The following ULK4 variants were observed in gnomAD, a reference collection of about 807,000 sequenced individuals.
The protein encoded by ULK4 is inactive serine/threonine-protein kinase ULK4.
A neutral mutation model predicts 160.6 loss-of-function variants in ULK4; 133 were observed. That is an observed-to-expected ratio of 0.83 (90% CI 0.72 to 0.96). The LOEUF (loss-of-function observed/expected upper bound fraction) is 0.96, where lower values mean the gene tolerates loss of function less well. Ranked by LOEUF, ULK4 falls within the 40% of genes least tolerant of loss-of-function variation. The pLI, the probability that ULK4 is intolerant of heterozygous loss-of-function variation, is 0.00. For missense variants in ULK4, 1,580 were observed against 1,499.5 expected (o/e 1.05, Z -0.89); for synonymous variants, 534 against 539.8 (o/e 0.99, Z 0.15).
intron 32 of ULK4, among the ~76,000 whole-genome samples, chr3:41,477,726 TG>T (rs1244371023): frequency 6.6e-6 from 1 of 152,190 alleles, no homozygotes; most frequent in African/African-American, 2.4e-5. Context: ...AGGTTATAAA[TG>T]TAAGTATCTG....
At chr3:41,490,936 G>A (rs573309778) in intron 32 of ULK4, among the ~76,000 whole-genome samples, 112 of 152,194 alleles carry the variant, frequency 7.4e-4, no homozygotes, top group African/African-American at 2.4e-3. Flanking sequence ...AAGGAAAACA[G>A]ACAAAGATGG....
chr3:41,459,176 C>T (rs1048112618), intron 33 of ULK4, among the ~76,000 whole-genome samples: 5 of 152,072 alleles, frequency 3.3e-5, no homozygotes, highest in South Asian at 2.1e-4. Flanking sequence ...TTCAGCCTCC[C>T]GAGTAGCTAG....
At chr3:41,829,673 T>C (rs576576914) in intron 18 of ULK4, among the ~76,000 whole-genome samples, 168 of 152,110 alleles carry the variant, frequency 1.1e-3, no homozygotes, top group African/African-American at 3.9e-3. Flanking sequence ...TGTGGAGAAA[T>C]AGGAACACTT....
chr3:41,917,075 C>A (rs893166342), intron 7 of ULK4, among the ~76,000 whole-genome samples: 49 of 152,138 alleles, frequency 3.2e-4, no homozygotes, highest in Non-Finnish European at 1.3e-4. Flanking sequence ...AGAATATTTG[C>A]AATCCCTCTT....
At chr3:41,332,664 A>G (rs1179848264) in intron 35 of ULK4, among the ~76,000 whole-genome samples, 1 of 152,180 alleles carries the variant, frequency 6.6e-6, no homozygotes, top group Non-Finnish European at 1.5e-5. Context: ...TTCCACTTTT[A>G]TTTTAGATTC....
chr3:41,294,246 T>C (rs1353567639), intron 35 of ULK4, among the ~76,000 whole-genome samples: 1 of 152,224 alleles, frequency 6.6e-6, no homozygotes, highest in Non-Finnish European at 1.5e-5. Flanking sequence ...TTCTGCCATG[T>C]GAAGACAAAA....
intron 17 of ULK4, among the ~76,000 whole-genome samples, chr3:41,878,696 AG>A (rs375038706): frequency 0.014 from 2,131 of 147,876 alleles, 21 homozygotes; most frequent in Middle Eastern, 0.039. Context: ...AAAAAAAAAA[AG>A]AGTGAGGAGT....
chr3:41,588,059 G>C (rs900565864), intron 31 of ULK4, among the ~76,000 whole-genome samples: 2 of 152,158 alleles, frequency 1.3e-5, no homozygotes, highest in Non-Finnish European at 2.9e-5. Flanking sequence ...GTTGAAATCA[G>C]GCTTTGGCCA....
chr3:41,747,514 T>G (rs1213781453), intron 22 of ULK4, among the ~76,000 whole-genome samples: 1 of 150,032 alleles, frequency 6.7e-6, no homozygotes, highest in Non-Finnish European at 1.5e-5. Flanking sequence ...AATTAAAACT[T>G]GAATACTAGC....
intron 35 of ULK4, among the ~76,000 whole-genome samples, chr3:41,348,285 GAAGTT>G (rs1466628089): frequency 1.3e-5 from 2 of 148,992 alleles, no homozygotes; most frequent in Non-Finnish European, 3.0e-5. Context: ...GTGAAAGGAT[GAAGTT>G]TTGACACAGG....
chr3:41,685,208 G>T (rs922854198), intron 27 of ULK4, among the ~76,000 whole-genome samples: 3 of 152,104 alleles, frequency 2.0e-5, no homozygotes, highest in Admixed American at 1.3e-4. Context: ...AAGACTGCTT[G>T]CCCTAAAAGG....
chr3:41,560,346 G>A (rs905671551), intron 32 of ULK4, among the ~76,000 whole-genome samples: 7 of 152,148 alleles, frequency 4.6e-5, no homozygotes, highest in Admixed American at 3.9e-4. Flanking sequence ...GGCAATGCGG[G>A]CTCTTTTTTG....
At position 41,307,841 on chromosome 3, in the gene ULK4, C is replaced by T. The variant is rs558115176; in HGVS notation, c.3679-58267G>A. On this transcript the variant is annotated intron_variant, in intron 35 of 36. Transcript: ENST00000301831. ...CAAAACCCCGTTTCATACATACATA[C>T]ATACACATATAATATATAGCTAAAG... Among the ~76,000 whole-genome samples the T allele has an allele frequency of 2.6e-5, 4 of 152,194 alleles. No homozygotes were observed. The South Asian group carries it at 6.2e-4, about 24-fold the overall frequency.
At chr3:41,764,261 A>T (rs970197946) in intron 21 of ULK4, among the ~76,000 whole-genome samples, 2 of 152,254 alleles carry the variant, frequency 1.3e-5, no homozygotes, top group African/African-American at 4.8e-5. Context: ...CATTTTGTTA[A>T]AAACAGACTT....
At chr3:41,941,055 A>G (rs1438695045) in intron 2 of ULK4, among the ~76,000 whole-genome samples, 5 of 150,550 alleles carry the variant, frequency 3.3e-5, no homozygotes, top group Non-Finnish European at 5.9e-5. Flanking sequence ...TTTTTTTTGA[A>G]ACAAGGTCTC....
At chr3:41,791,382 G>A (rs953599800) in intron 20 of ULK4, among the ~76,000 whole-genome samples, 5 of 152,176 alleles carry the variant, frequency 3.3e-5, no homozygotes, top group African/African-American at 4.8e-5. Flanking sequence ...TGCCCACCTC[G>A]GCTTCCCAAA....
intron 31 of ULK4, among the ~76,000 whole-genome samples, chr3:41,567,226 T>G (rs1458577678): frequency 6.6e-6 from 1 of 152,052 alleles, no homozygotes; most frequent in Non-Finnish European, 1.5e-5. Context: ...GCACTTGAGG[T>G]ATGCCAGTGA....
At chr3:41,731,687 A>C (rs1256959742) in intron 22 of ULK4, among the ~76,000 whole-genome samples, 1 of 151,784 alleles carries the variant, frequency 6.6e-6, no homozygotes, top group Non-Finnish European at 1.5e-5. Flanking sequence ...AAAAAAAAAA[A>C]AAAAGAACAA....
At chr3:41,692,535 T>G (rs1014073971) in intron 27 of ULK4, among the ~76,000 whole-genome samples, 7 of 151,760 alleles carry the variant, frequency 4.6e-5, no homozygotes, top group Admixed American at 2.6e-4. Context: ...ATGCTACATA[T>G]TTTATGACAT....
Sources: gnomAD v4.1 joint callset for allele counts (sites outside exome capture counted in the v4.1 genomes callset) on GRCh38, gnomAD v4.1.1 for gene constraint, MANE v1.5 for transcripts, NCBI Gene and HGNC (gene_info 2026-07-23, HGNC 2026-07-21) for gene names.